The following TAFA5 variants were observed in gnomAD, a reference collection of about 807,000 sequenced individuals.
TAFA5 encodes the protein chemokine-like protein TAFA-5.
Under a neutral mutation model 15.3 loss-of-function variants are expected in TAFA5, and 6 were observed. That is an observed-to-expected ratio of 0.39 (90% CI 0.21 to 0.77). The LOEUF (loss-of-function observed/expected upper bound fraction) is 0.77, where lower values mean the gene tolerates loss of function less well. Ranked by LOEUF, TAFA5 falls within the 30% of genes least tolerant of loss-of-function variation. The pLI is 0.41. For synonymous variants in TAFA5, 103 were observed against 80.7 expected (o/e 1.28, Z -1.48); for missense variants, 161 against 193.1 (o/e 0.83, Z 0.98).
At chr22:48,573,162 C>G (rs1043261832) in intron 1 of TAFA5, among the ~76,000 whole-genome samples, 2 of 152,170 alleles carry the variant, frequency 1.3e-5, no homozygotes, top group Non-Finnish European at 2.9e-5. Context: ...TGTGGAAGTG[C>G]AGCTCTTTGG....
At chr22:48,720,137 C>T (rs116807380) in intron 3 of TAFA5, among the ~76,000 whole-genome samples, 19 of 152,240 alleles carry the variant, frequency 1.2e-4, no homozygotes, top group Non-Finnish European at 2.2e-4. Context: ...CGGGGTCTGT[C>T]GCGAAACCCA....
At chr22:48,542,670 GTGATGTT>G in intron 1 of TAFA5, among the ~76,000 whole-genome samples, 1 of 142,450 alleles carries the variant, frequency 7.0e-6, no homozygotes, top group South Asian at 2.4e-4. Context: ...TGGTGTGTGT[GTGATGTT>G]TGTGTGGTGT....
At chr22:48,744,966 G>A (rs1376603783) in intron 3 of TAFA5, among the ~76,000 whole-genome samples, 1 of 152,186 alleles carries the variant, frequency 6.6e-6, no homozygotes, top group Non-Finnish European at 1.5e-5. Context: ...GTGTTAGTCA[G>A]GATGGTCTCG....
intron 2 of TAFA5, among the ~76,000 whole-genome samples, chr22:48,662,765 G>A (rs1420692102): frequency 2.6e-5 from 4 of 152,190 alleles, no homozygotes; most frequent in Non-Finnish European, 5.9e-5. Context: ...AAACTGAGGC[G>A]GCAGCTGAGG....
intron 1 of TAFA5, among the ~76,000 whole-genome samples, chr22:48,605,064 A>G (rs1171430292): frequency 6.7e-6 from 1 of 150,136 alleles, no homozygotes; most frequent in Non-Finnish European, 1.5e-5. Context: ...AGAGGAGATT[A>G]TGGTGTTGCT....
chr22:48,594,389 A>G (rs1034326021), intron 1 of TAFA5, among the ~76,000 whole-genome samples: 3 of 152,224 alleles, frequency 2.0e-5, no homozygotes, highest in African/African-American at 4.8e-5. Flanking sequence ...CCCGGTGCAC[A>G]TAGGTTGACA....
chr22:48,587,823 G>A (rs1040246767), intron 1 of TAFA5, among the ~76,000 whole-genome samples: 9 of 152,214 alleles, frequency 5.9e-5, no homozygotes, highest in African/African-American at 9.7e-5. Context: ...TCAAATCAGC[G>A]GTTCGGAAGG....
intron 1 of TAFA5, among the ~76,000 whole-genome samples, chr22:48,590,682 A>AT (rs535766898): frequency 8.7e-5 from 13 of 149,236 alleles, no homozygotes; most frequent in South Asian, 8.6e-4. Context: ...TGACATTTTC[A>AT]TTTTTTTTTT....
chr22:48,748,894 G>C (rs1389952333), intron 3 of TAFA5, among the ~76,000 whole-genome samples: 1 of 152,218 alleles, frequency 6.6e-6, no homozygotes, highest in African/African-American at 2.4e-5. Flanking sequence ...GACAGCATCA[G>C]GGTGGGCTCA....
intron 1 of TAFA5, among the ~76,000 whole-genome samples, chr22:48,507,006 C>T (rs75737330): frequency 7.2e-5 from 11 of 152,160 alleles, no homozygotes; most frequent in East Asian, 1.9e-4. Context: ...GGGAGAACCC[C>T]GTGGCTGAGC....
intron 2 of TAFA5, among the ~76,000 whole-genome samples, chr22:48,653,120 T>C (rs1569065110): frequency 1.3e-5 from 2 of 152,208 alleles, no homozygotes; most frequent in African/African-American, 2.4e-5. Context: ...CTTTTTGTTA[T>C]GGAACCACTG....
chr22:48,529,933 G>T (rs370360689), intron 1 of TAFA5, among the ~76,000 whole-genome samples: 3 of 152,060 alleles, frequency 2.0e-5, no homozygotes, highest in African/African-American at 7.3e-5. Flanking sequence ...GGGCATCTGG[G>T]ACAACCCTTC....
intron 2 of TAFA5, among the ~76,000 whole-genome samples, chr22:48,697,380 TG>T (rs1928747964): frequency 6.6e-6 from 1 of 152,046 alleles, no homozygotes; most frequent in South Asian, 2.1e-4. Context: ...ATGATGATGG[TG>T]GTTGTCATGA....
intron 1 of TAFA5, among the ~76,000 whole-genome samples, chr22:48,624,621 C>T (rs907128259): frequency 2.0e-5 from 3 of 152,144 alleles, no homozygotes; most frequent in East Asian, 1.9e-4. Flanking sequence ...TGGCCATGGG[C>T]GCTCCCCCTG....
intron 2 of TAFA5, among the ~76,000 whole-genome samples, chr22:48,700,212 C>T (rs130126): frequency 0.57 from 86,316 of 151,996 alleles, 24,758 homozygotes; most frequent in African/African-American, 0.62. Context: ...ACAAGTAACT[C>T]GTGTCCCAGA....
chr22:48,551,104 C>T (rs1460207624), intron 1 of TAFA5, among the ~76,000 whole-genome samples: 1 of 152,022 alleles, frequency 6.6e-6, no homozygotes, highest in Non-Finnish European at 1.5e-5. Context: ...GGGGTGAGGT[C>T]CCTCCCTGTG....
intron 2 of TAFA5, among the ~76,000 whole-genome samples, chr22:48,701,936 G>A (rs1928920557): frequency 1.3e-5 from 2 of 152,288 alleles, no homozygotes; most frequent in Admixed American, 6.5e-5. Context: ...GGGGACTGGG[G>A]GGCCTTGGAG....
chr22:48,643,978 G>C (rs929631744), intron 1 of TAFA5, among the ~76,000 whole-genome samples: 1 of 152,212 alleles, frequency 6.6e-6, no homozygotes, highest in Admixed American at 6.5e-5. Context: ...AAATCACAAC[G>C]TAAGAACGTG....
At position 48,489,785 on chromosome 22, in the gene TAFA5, G is replaced by C. The variant is rs1282164230; in HGVS notation, c.112+81G>C. The C allele has an allele frequency of 1.0e-5, 9 of 882,728 alleles. No individual in the cohort carries two copies. Among genetic ancestry groups the C allele is most frequent in the Non-Finnish European group, 1.4e-5 (9 of 649,750 alleles). 54.7% of individuals were successfully genotyped at this position (882,728 alleles called of 1,614,324 possible). On this transcript the variant is annotated intron_variant, in intron 1 of 3. Transcript: ENST00000402357. The surrounding 1 kb of genome is among the most constrained non-coding windows in gnomAD (Gnocchi z 5.5). ...CTCCGGCCCCGGCAGGCGCCCCGCG[G>C]GCCTCCCGGAGTCGGCGCGGAGTTA... is the stretch of plus-strand genomic sequence containing the variant.
Sources: gnomAD v4.1 joint callset for allele counts (sites outside exome capture counted in the v4.1 genomes callset) on GRCh38, gnomAD v4.1.1 for gene constraint, Gnocchi (gnomAD v3.1) non-coding constraint, MANE v1.5 for transcripts, NCBI Gene and HGNC (gene_info 2026-07-23, HGNC 2026-07-21) for gene names.